PDIA3: variants seen among roughly 807,000 people sequenced by gnomAD.
PDIA3 encodes protein disulfide-isomerase A3.
PDIA3 carries 16 observed loss-of-function variants against 56.9 expected under a neutral mutation model. The observed-to-expected ratio is 0.28, with a 90% CI of 0.19 to 0.43. PDIA3 has a LOEUF of 0.43. Ranked by LOEUF, PDIA3 falls within the 20% of genes least tolerant of loss-of-function variation. The probability of loss-of-function intolerance (pLI) is 1.00; values close to 1 mark genes in which losing one functional copy is unlikely to be tolerated. For missense variants in PDIA3, 485 were observed against 621.3 expected, an observed-to-expected ratio of 0.78 and a Z score of 2.33; for synonymous variants, 192 against 216.5, an observed-to-expected ratio of 0.89 and a Z score of 0.99.
At chr15:43,759,299 T>C (rs146247735) in intron 3 of PDIA3, among the ~76,000 whole-genome samples, 81 of 152,116 alleles carry the variant, frequency 5.3e-4, no homozygotes, top group African/African-American at 1.9e-3. Context: ...CAAAAATAAG[T>C]AAATAAATAA....
At position 43,772,341 on chromosome 15, in the gene PDIA3, C is replaced by A. The variant is rs971913633; in HGVS notation, c.*1123C>A. 2.6e-5 allele frequency: 4 copies of A among 152,194 alleles called. No individual in the cohort carries two copies. Among genetic ancestry groups the A allele is most frequent in the African/African-American group, 7.2e-5 (3 of 41,438 alleles). 9.4% of individuals were successfully genotyped at this position (152,194 alleles called of 1,614,324 possible). A position where few individuals can be genotyped will look rare whatever the true frequency, so the allele number is the denominator to read the frequency against. ...CCTATGTTCAGAAAAGAATTTTCTT[C>A]CTACTATATAATTACAGTATTTAGC... is the stretch of plus-strand genomic sequence containing the variant. On this transcript the variant is annotated 3_prime_UTR_variant, in exon 13 of 13. Coordinates refer to ENST00000300289, the MANE Select transcript of PDIA3 (RefSeq NM_005313.5).
chr15:43,758,133 G>C (rs2086791790), intron 3 of PDIA3, among the ~76,000 whole-genome samples: 1 of 151,896 alleles, frequency 6.6e-6, no homozygotes, highest in Admixed American at 6.6e-5. Flanking sequence ...AGCTACTCGG[G>C]AGGCTGAGGC....
chr15:43,766,307 G>T (rs150093899), intron 7 of PDIA3, among the ~76,000 whole-genome samples: 1 of 152,098 alleles, frequency 6.6e-6, no homozygotes, highest in African/African-American at 2.4e-5. Context: ...CATGTATTTC[G>T]TAGGTGTTTC....
rs2086889875 is a variant in PDIA3, at chr15:43,772,946, A to C, written c.*1728A>C. ...TCTTTGCACAGTGCCCATACCCTAAAAATTAATAATGAAAACCAAACCTCA... is the reference window on the plus strand; with the variant it reads ...TCTTTGCACAGTGCCCATACCCTAACAATTAATAATGAAAACCAAACCTCA... On this transcript the variant is annotated 3_prime_UTR_variant, in exon 13 of 13. Coordinates refer to ENST00000300289, the MANE Select transcript of PDIA3 (RefSeq NM_005313.5). The C allele has an allele frequency of 8.0e-6, 5 of 621,224 alleles. No individual in the cohort carries two copies. Among genetic ancestry groups the C allele is most frequent in the Non-Finnish European group, 1.4e-5 (5 of 365,936 alleles). The allele number at this position is 621,224 out of a possible 1,614,324, so 38.5% of individuals were successfully genotyped here. A position where few individuals can be genotyped will look rare whatever the true frequency, so the allele number is the denominator to read the frequency against.
chr15:43,749,949 AAG>A (rs1281878248), intron 1 of PDIA3, among the ~76,000 whole-genome samples: 1 of 152,126 alleles, frequency 6.6e-6, no homozygotes, highest in African/African-American at 2.4e-5. Context: ...CATCTCAAAA[AAG>A]AAAGTAAAAT....
intron 6 of PDIA3, 92 bp downstream of exon 6, chr15:43,765,658 A>G (rs2086843302): frequency 9.4e-6 from 9 of 955,284 alleles, no homozygotes; most frequent in South Asian, 1.5e-5. Context: ...TTTGGCGTAA[A>G]CAGTCTATTT....
intron 1 of PDIA3, among the ~76,000 whole-genome samples, chr15:43,752,357 A>G (rs1446410181): frequency 6.6e-6 from 1 of 152,248 alleles, no homozygotes; most frequent in Admixed American, 6.5e-5. Flanking sequence ...TTTCACACAC[A>G]TAAGATACCA....
chr15:43,762,691 C>T (rs537784494), intron 4 of PDIA3, among the ~76,000 whole-genome samples: 8 of 152,080 alleles, frequency 5.3e-5, no homozygotes, highest in Non-Finnish European at 7.4e-5. Flanking sequence ...GTTCTGAAGA[C>T]AAATATAGAG....
intron 1 of PDIA3, among the ~76,000 whole-genome samples, chr15:43,751,981 A>G (rs552799303): frequency 6.6e-5 from 10 of 152,188 alleles, no homozygotes; most frequent in African/African-American, 2.2e-4. Flanking sequence ...CTTTATTCTC[A>G]TTGCTGCCAT....
chr15:43,757,384 C>G (rs889938180), intron 3 of PDIA3, among the ~76,000 whole-genome samples: 2 of 151,728 alleles, frequency 1.3e-5, no homozygotes, highest in Non-Finnish European at 2.9e-5. Context: ...CAGTGAAACC[C>G]CATCTCTACC....
At chr15:43,748,126 A>G (rs1479043280) in intron 1 of PDIA3, among the ~76,000 whole-genome samples, 1 of 152,166 alleles carries the variant, frequency 6.6e-6, no homozygotes, top group Non-Finnish European at 1.5e-5. Context: ...GGGGTCATGC[A>G]ACAATTTAAA....
At chr15:43,768,759 C>T (rs2086863916) in intron 9 of PDIA3, among the ~76,000 whole-genome samples, 162 bp downstream of exon 9, 1 of 151,714 alleles carries the variant, frequency 6.6e-6, no homozygotes, top group African/African-American at 2.4e-5. Context: ...AGCGGTGGCT[C>T]ATGCCTGTAA....
intron 5 of PDIA3, 72 bp from the exon 6 acceptor site, chr15:43,765,376 ATC>A: frequency 1.2e-6 from 1 of 853,264 alleles, no homozygotes; most frequent in Non-Finnish European, 2.0e-6. Flanking sequence ...GCGAAACCCT[ATC>A]TCAAAAAAAA....
rs146809594 is a variant in PDIA3, at chr15:43,757,280, C to T, written c.364+514C>T. On this transcript the variant is annotated intron_variant, in intron 3 of 12. Coordinates refer to ENST00000300289, the MANE Select transcript of PDIA3 (RefSeq NM_005313.5). The stretch of plus-strand genomic sequence containing the variant: ...TCCAATAAAAAGTTTGGGCCGGGGC[C>T]GGGTGCGGTGGCTCACGCCTGTAAT... Among the ~76,000 whole-genome samples the T allele has an allele frequency of 2.7e-3, 408 of 152,148 alleles. 2 individuals are homozygous for T. Among genetic ancestry groups the T allele is most frequent in the African/African-American group, 9.7e-3 (401 of 41,496 alleles).
intron 4 of PDIA3, 70 bp downstream of exon 4, chr15:43,761,601 A>G (rs1006864066): frequency 4.8e-6 from 4 of 833,506 alleles, no homozygotes; most frequent in Non-Finnish European, 8.0e-6. Context: ...ATGTCTGGGA[A>G]AACCACAGAA....
chr15:43,746,574 T>C lies in PDIA3; in HGVS notation c.35T>C (p.Val12Ala), dbSNP rs1374793887. Reference sequence around the variant, plus strand: ...CGCCGCCTAGCGCTGTTCCCGGGTGTGGCGCTGCTTCTTGCCGCGGCCCGC... The same window carrying C: ...CGCCGCCTAGCGCTGTTCCCGGGTGCGGCGCTGCTTCTTGCCGCGGCCCGC... ...RLRRLALFPG[V>A]ALLLAAARLA... The change falls in exon 1 of 13, where the codon GTG becomes GCG. Residue 12 changes from valine (V) to alanine (A), a missense_variant. By Grantham distance (64) the Val-to-Ala change is moderately conservative. Coordinates refer to ENST00000300289, the MANE Select transcript of PDIA3 (RefSeq NM_005313.5). The C allele has an allele frequency of 1.2e-6, 2 of 1,611,614 alleles. No homozygotes were observed. Among genetic ancestry groups the C allele is most frequent in the South Asian group, 2.2e-5 (2 of 91,042 alleles).
chr15:43,764,251 A>G (rs1186019488), intron 5 of PDIA3, among the ~76,000 whole-genome samples: 2 of 152,218 alleles, frequency 1.3e-5, no homozygotes, highest in East Asian at 1.9e-4. Flanking sequence ...TGGCAGCCAC[A>G]TGATAATGAT....
At chr15:43,768,091 C>G (rs992884669) in intron 8 of PDIA3, among the ~76,000 whole-genome samples, 1 of 152,044 alleles carries the variant, frequency 6.6e-6, no homozygotes, top group Admixed American at 6.6e-5. Context: ...AACTCAGAAT[C>G]GGGAAGATCT....
In PDIA3 at chr15:43,771,244, A is replaced by AAAG. The variant is rs755783460; in HGVS notation, c.*27_*29dup. ...AGCAGTAGCCAAACACCACTTTGTA[A>AAAG]AAGGACTCTTCCATCAGAGATGGGA... On this transcript the variant is annotated 3_prime_UTR_variant, in exon 13 of 13. Coordinates refer to ENST00000300289, the MANE Select transcript of PDIA3 (RefSeq NM_005313.5). 2.8e-6 allele frequency: 4 copies of AAAG among 1,427,788 alleles called. No homozygotes were observed. Among genetic ancestry groups the AAAG allele is most frequent in the Non-Finnish European group, 3.9e-6 (4 of 1,016,090 alleles). The allele number at this position is 1,427,788 out of a possible 1,614,324, so 88.4% of individuals were successfully genotyped here.
Sources: allele counts gnomAD v4.1 joint callset (sites outside exome capture counted in the v4.1 genomes callset), GRCh38; gene constraint gnomAD v4.1.1; transcripts MANE v1.5; gene names NCBI Gene and HGNC (gene_info 2026-07-23, HGNC 2026-07-21).